The following MED12L variants were observed in gnomAD, a reference collection of about 807,000 sequenced individuals.
MED12L encodes mediator of RNA polymerase II transcription subunit 12-like protein.
A neutral mutation model predicts 281.3 loss-of-function variants in MED12L; 60 were observed. The observed-to-expected ratio is 0.21, with a 90% CI of 0.17 to 0.26. The LOEUF (loss-of-function observed/expected upper bound fraction) is 0.26. MED12L is among the 10% of genes least tolerant of loss of function. MED12L has a pLI of 1.00. For missense variants in MED12L, 2,146 were observed against 2,680.9 expected, an observed-to-expected ratio of 0.80 and a Z score of 4.41; for synonymous variants, 974 against 987.2, an observed-to-expected ratio of 0.99 and a Z score of 0.25.
In MED12L at chr3:151,394,763, C is replaced by G. The variant is rs866514625; in HGVS notation, c.5716C>G (p.Leu1906Val). The G allele has an allele frequency of 2.5e-6, 4 of 1,614,132 alleles. No individual in the cohort carries two copies. The highest frequency in any genetic ancestry group is 3.4e-6 in the Non-Finnish European group (4 of 1,180,050). Residue 1906 changes from leucine to valine, a missense_variant, in exon 39 of 45, where the codon CTT becomes GTT. Leu to Val is a conservative substitution (Grantham distance 32). Transcript: ENST00000687756. ...AGGCGCCATGATGCAGCCGCCTTCT[C>G]TTCATGCAATCACATCGCAGCAGCA... ...RSGAMMQPPS[L>V]HAITSQQQLI...
chr3:151,303,804 A>T lies in MED12L; in HGVS notation c.2251-46255A>T, dbSNP rs567981641. 7.9e-4 allele frequency among the ~76,000 whole-genome samples: 120 copies of T among 152,144 alleles called. 1 individual carries two copies. The highest frequency in any genetic ancestry group is 1.1e-3 in the Non-Finnish European group (77 of 68,016). ...CAAAAAACCCAAAACCACACAGTGG[A>T]GTGAGAATAGCAGAGAGCTAATGTA... On this transcript the variant is annotated intron_variant, in intron 16 of 44. Transcript: ENST00000687756.
intron 2 of MED12L, among the ~76,000 whole-genome samples, chr3:151,101,417 C>A (rs1721376349): frequency 6.6e-6 from 1 of 151,992 alleles, no homozygotes; most frequent in Non-Finnish European, 1.5e-5. Context: ...CTTAACTTGC[C>A]CAGGGTCATT....
Position 151,367,705 on chromosome 3 carries a change from A to G in MED12L, c.3387A>G (p.Arg1129=), listed in dbSNP as rs1337844798. 3 of 1,612,092 alleles carry G rather than the reference A, an allele frequency of 1.9e-6. No individual in the cohort carries two copies. The highest frequency in any genetic ancestry group is 1.7e-5 in the Admixed American group (1 of 59,848). ...LATFIAILIA[R]QCFSLEDVVQ... is the part of the protein sequence containing the mutation. ...CTTTCATTGCTATTCTGATAGCACG[A>G]CAGTGTTTTTCCCTGGAGGACGTCG... The change falls in exon 24 of 45, where the codon CGA becomes CGG. Residue 1129 remains arginine, a synonymous_variant. Transcript: ENST00000687756.
rs763893323 is a variant in MED12L, at chr3:151,411,457, T to C, written c.6090T>C (p.Tyr2030=). ...LRQIQQQPSG[Y]VQQQASPYLQ... ...AGATTCAGCAGCAGCCGAGTGGCTATGTTCAGCAGCAGGCCTCGCCGTACC... is the reference window on the plus strand; with the variant it reads ...AGATTCAGCAGCAGCCGAGTGGCTACGTTCAGCAGCAGGCCTCGCCGTACC... The change falls in exon 41 of 45, where the codon TAT becomes TAC. Residue 2030 remains tyrosine (Y), a synonymous_variant. Coordinates refer to ENST00000687756, the MANE Select transcript of MED12L (RefSeq NM_001393769.1). The C allele has an allele frequency of 6.2e-7, 1 of 1,614,198 alleles. No homozygotes were observed.
In MED12L at chr3:151,164,040, C is replaced by A; in HGVS notation, c.1255C>A (p.Gln419Lys). The change falls in exon 9 of 45, where the codon CAG becomes AAG. Residue 419 changes from glutamine (Q) to lysine (K), a missense_variant and splice_region_variant. Physicochemically the swap from Gln to Lys is moderately conservative, Grantham distance 53 (BLOSUM62 1). Coordinates refer to ENST00000687756, the MANE Select transcript of MED12L (RefSeq NM_001393769.1). ...GGGTGGGAACACGGCTTTCAATCAGCAGGTAGACTTTATGTTTCAGTGATT... is the reference window on the plus strand; with the variant it reads ...GGGTGGGAACACGGCTTTCAATCAGAAGGTAGACTTTATGTTTCAGTGATT... ...MPGGNTAFNQ[Q>K]VRARIYEVEQ... 6.2e-7 allele frequency: 1 copy of A among 1,612,714 alleles called. No homozygotes were observed. Among genetic ancestry groups the A allele is most frequent in the Non-Finnish European group, 8.5e-7 (1 of 1,179,250 alleles).
intron 16 of MED12L, among the ~76,000 whole-genome samples, chr3:151,248,002 G>T: frequency 8.7e-6 from 1 of 115,476 alleles, no homozygotes; most frequent in South Asian, 2.7e-4. Flanking sequence ...GAAATAATCT[G>T]GAGTAGATTC....
intron 38 of MED12L, 138 bp from the exon 39 acceptor site, chr3:151,394,518 G>A: frequency 4.7e-6 from 6 of 1,289,398 alleles, no homozygotes; most frequent in Non-Finnish European, 4.2e-6. Context: ...TAATATTTGT[G>A]GCAGGTGGGA....
intron 16 of MED12L, chr3:151,213,689 T>A: frequency 6.2e-7 from 1 of 1,614,190 alleles, no homozygotes; most frequent in South Asian, 1.1e-5. Context: ...ATTTTCTTTG[T>A]GATAGCAGTA....
intron 26 of MED12L, among the ~76,000 whole-genome samples, chr3:151,371,472 C>T (rs1408784167): frequency 6.6e-6 from 1 of 152,170 alleles, no homozygotes; most frequent in Non-Finnish European, 1.5e-5. Context: ...TAATGAGAAA[C>T]ATATGATTAT....
At chr3:151,326,576 C>T (rs1749622338) in intron 16 of MED12L, 1 of 152,068 alleles carries the variant, frequency 6.6e-6, no homozygotes, top group African/African-American at 2.4e-5. Context: ...CCAAGTGTAC[C>T]AGGGGGAAAT....
rs559167052 is a variant in MED12L at position 151,394,524 on chromosome 3, T to G, written c.5609-132T>G. On this transcript the variant is annotated intron_variant, in intron 38 of 44. Transcript: ENST00000687756. The stretch of plus-strand genomic sequence containing the variant: ...ACAGGTCTATAATATTTGTGGCAGG[T>G]GGGACAGTGCATTTTTTTCTACTTT... The G allele has an allele frequency of 1.4e-3, 1,902 of 1,346,038 alleles. 4 individuals carry two copies. The highest frequency in any genetic ancestry group is 6.4e-3 in the Admixed American group (255 of 39,590). The allele number at this position is 1,346,038 out of a possible 1,614,324, so 83.4% of individuals were successfully genotyped here. A position where few individuals can be genotyped will look rare whatever the true frequency, so the allele number is the denominator to read the frequency against.
chr3:151,384,280 A>G, intron 35 of MED12L, 62 bp downstream of exon 35: 2 of 1,416,508 alleles, frequency 1.4e-6, no homozygotes, highest in Non-Finnish European at 9.6e-7. Flanking sequence ...TATCTAGTGC[A>G]TTTTAATTTA....
intron 2 of MED12L, among the ~76,000 whole-genome samples, chr3:151,107,193 C>T (rs1474295616): frequency 1.3e-5 from 2 of 150,910 alleles, no homozygotes; most frequent in Non-Finnish European, 2.9e-5. Flanking sequence ...GGAGTTGTTG[C>T]TCTAGGAATT....
At chr3:151,141,031 C>CT in intron 5 of MED12L, among the ~76,000 whole-genome samples, 1 of 152,110 alleles carries the variant, frequency 6.6e-6, no homozygotes, top group East Asian at 1.9e-4. Context: ...CGACGCCCAG[C>CT]TAAGTTTTTG....
intron 16 of MED12L, 47 bp downstream of exon 16, chr3:151,193,713 A>G (rs371320553): frequency 2.7e-6 from 4 of 1,476,764 alleles, no homozygotes; most frequent in Non-Finnish European, 3.7e-6. Flanking sequence ...TTTTATTATA[A>G]GATCAATAAC....
chr3:151,111,721 G>A (rs971552198), intron 2 of MED12L, among the ~76,000 whole-genome samples: 3 of 152,204 alleles, frequency 2.0e-5, no homozygotes, highest in African/African-American at 4.8e-5. Context: ...ATGGAGCTCA[G>A]TGTTTCTTAA....
At chr3:151,344,321 A>G (rs774518720) in intron 16 of MED12L, among the ~76,000 whole-genome samples, 4 of 151,314 alleles carry the variant, frequency 2.6e-5, no homozygotes, top group Non-Finnish European at 5.9e-5. Context: ...AAAACCTGTT[A>G]ATTTCTTCAT....
At chr3:151,250,122 C>G (rs1234587872) in intron 16 of MED12L, among the ~76,000 whole-genome samples, 1 of 152,184 alleles carries the variant, frequency 6.6e-6, no homozygotes, top group Non-Finnish European at 1.5e-5. Flanking sequence ...CGTTTGCTGT[C>G]TCCACTTTCC....
chr3:151,243,617 C>T (rs10084727), intron 16 of MED12L, among the ~76,000 whole-genome samples: 16,677 of 150,376 alleles, frequency 0.11, 1,179 homozygotes, highest in Middle Eastern at 0.18. Flanking sequence ...CTGAAGGAAG[C>T]GCTAAACATG....
Sources: allele counts gnomAD v4.1 joint callset (sites outside exome capture counted in the v4.1 genomes callset), GRCh38; gene constraint gnomAD v4.1.1; transcripts MANE v1.5; gene names NCBI Gene and HGNC (gene_info 2026-07-23, HGNC 2026-07-21).